The following ADAMTS3 variants were observed in gnomAD, a reference collection of about 807,000 sequenced individuals.
ADAMTS3 encodes ADAM metallopeptidase with thrombospondin type 1 motif 3.
ADAMTS3 carries 73 observed loss-of-function variants against 129.0 expected under a neutral mutation model. The observed-to-expected ratio is 0.57, with a 90% CI of 0.47 to 0.69. ADAMTS3 has a LOEUF of 0.69. ADAMTS3 is among the 30% of genes least tolerant of loss of function. The pLI, the probability that ADAMTS3 is intolerant of heterozygous loss-of-function variation, is 0.00. For synonymous variants in ADAMTS3, 477 were observed against 510.8 expected (o/e 0.93, Z 0.89); for missense variants, 1,457 against 1,514.5 (o/e 0.96, Z 0.63).
chr4:72,415,030 C>T, intron 3 of ADAMTS3, 59 bp from the exon 4 acceptor site: 1 of 1,196,094 alleles, frequency 8.4e-7, no homozygotes, highest in Non-Finnish European at 1.1e-6. Context: ...CTTCAGCTCA[C>T]AAGCACATCT....
rs1382540742 is a variant in ADAMTS3 at position 72,319,306 on chromosome 4, T to G, written c.1352+26A>C. 3 of 1,612,630 alleles carry G rather than the reference T, an allele frequency of 1.9e-6. No individual in the cohort carries two copies. In the Admixed American group the frequency reaches 5.0e-5, roughly 27 times the overall value. On this transcript the variant is annotated intron_variant, in intron 9 of 21. Transcript: ENST00000286657. ...GTCTGTAGGCTATAAAATAAATACT[T>G]TCATGACATGCAGCAGGGGACATAC...
intron 4 of ADAMTS3, among the ~76,000 whole-genome samples, chr4:72,405,961 G>C (rs1270579602): frequency 6.6e-6 from 1 of 152,144 alleles, no homozygotes; most frequent in South Asian, 2.1e-4. Flanking sequence ...GATTCTGGAA[G>C]AACACTTTAT....
chr4:72,501,219 A>G (rs528174274), intron 3 of ADAMTS3, among the ~76,000 whole-genome samples: 1 of 152,190 alleles, frequency 6.6e-6, no homozygotes, highest in Non-Finnish European at 1.5e-5. Flanking sequence ...GGCCATTTTA[A>G]CAATATTAAT....
chr4:72,378,219 A>G (rs1721183709), intron 4 of ADAMTS3, among the ~76,000 whole-genome samples: 1 of 152,182 alleles, frequency 6.6e-6, no homozygotes, highest in South Asian at 2.1e-4. Context: ...CTGCAACTAT[A>G]AAACACTAAG....
chr4:72,331,508 A>G (rs1560475654), intron 5 of ADAMTS3, among the ~76,000 whole-genome samples: 2 of 152,138 alleles, frequency 1.3e-5, no homozygotes, highest in Non-Finnish European at 2.9e-5. Context: ...ACTAATCTTA[A>G]AAACCCTTTA....
chr4:72,424,001 G>C (rs1433830194), intron 3 of ADAMTS3, among the ~76,000 whole-genome samples: 1 of 151,878 alleles, frequency 6.6e-6, no homozygotes, highest in Non-Finnish European at 1.5e-5. Flanking sequence ...ATATTTCTAT[G>C]GCATTTATCA....
intron 5 of ADAMTS3, among the ~76,000 whole-genome samples, chr4:72,328,860 A>C (rs899467257): frequency 6.6e-6 from 1 of 152,140 alleles, no homozygotes; most frequent in Non-Finnish European, 1.5e-5. Flanking sequence ...ACTGAAATGG[A>C]CTGAGAAAAG....
At chr4:72,565,111 C>T (rs553165977) in intron 2 of ADAMTS3, among the ~76,000 whole-genome samples, 87 of 152,286 alleles carry the variant, frequency 5.7e-4, no homozygotes, top group African/African-American at 2.0e-3. Flanking sequence ...TACATCTATA[C>T]TACACTTCAG....
At chr4:72,443,900 T>C (rs1005582268) in intron 3 of ADAMTS3, among the ~76,000 whole-genome samples, 2 of 151,804 alleles carry the variant, frequency 1.3e-5, no homozygotes, top group East Asian at 2.0e-4. Flanking sequence ...ATGGGTTGGG[T>C]TGCAGAATGG....
At position 72,496,201 on chromosome 4, in the gene ADAMTS3, C is replaced by G. The variant is rs1396442293; in HGVS notation, c.504+52277G>C. Among the ~76,000 whole-genome samples, 4 of 152,286 alleles carry G rather than the reference C, an allele frequency of 2.6e-5. No homozygotes were observed. In the East Asian group the frequency reaches 7.7e-4, roughly 29 times the overall value. The stretch of plus-strand genomic sequence containing the variant: ...AGTTGGCAAAATAAGCAGATAAAAT[C>G]TGGAATGATTAACACGTCATCACAG... On this transcript the variant is annotated intron_variant, in intron 3 of 21. Coordinates refer to ENST00000286657, the MANE Select transcript of ADAMTS3 (RefSeq NM_014243.3).
At chr4:72,366,584 T>A (rs939941066) in intron 4 of ADAMTS3, among the ~76,000 whole-genome samples, 2 of 152,076 alleles carry the variant, frequency 1.3e-5, no homozygotes, top group African/African-American at 4.8e-5. Flanking sequence ...TTTAGAAAAA[T>A]TATTATATGC....
intron 5 of ADAMTS3, among the ~76,000 whole-genome samples, chr4:72,326,235 A>G (rs1202419573): frequency 6.6e-6 from 1 of 152,138 alleles, no homozygotes; most frequent in Non-Finnish European, 1.5e-5. Flanking sequence ...AGCACAAAGT[A>G]TTATTTCAAT....
chr4:72,425,144 C>T (rs565967764), intron 3 of ADAMTS3, among the ~76,000 whole-genome samples: 1 of 152,028 alleles, frequency 6.6e-6, no homozygotes, highest in African/African-American at 2.4e-5. Flanking sequence ...TGGCATTATC[C>T]AATATTTCAC....
chr4:72,387,045 T>G (rs1262441037), intron 4 of ADAMTS3, among the ~76,000 whole-genome samples: 2 of 152,238 alleles, frequency 1.3e-5, no homozygotes, highest in Non-Finnish European at 2.9e-5. Flanking sequence ...CTGTTGGCTG[T>G]TAAAGGAGTT....
intron 3 of ADAMTS3, among the ~76,000 whole-genome samples, chr4:72,491,604 G>C (rs1578730232): frequency 6.6e-6 from 1 of 151,782 alleles, no homozygotes; most frequent in East Asian, 1.9e-4. Context: ...ACCCATCCTT[G>C]CATAATAGAA....
At chr4:72,404,857 CACAA>C (rs1175837894) in intron 4 of ADAMTS3, among the ~76,000 whole-genome samples, 1 of 119,094 alleles carries the variant, frequency 8.4e-6, no homozygotes. Flanking sequence ...CACACACACA[CACAA>C]AACACACAAA....
At chr4:72,315,290 T>G (rs1313742185) in intron 11 of ADAMTS3, among the ~76,000 whole-genome samples, 1 of 152,218 alleles carries the variant, frequency 6.6e-6, no homozygotes, top group Non-Finnish European at 1.5e-5. Flanking sequence ...AAATGTTACC[T>G]TATTTGGAAA....
At chr4:72,398,761 T>G (rs1176507429) in intron 4 of ADAMTS3, among the ~76,000 whole-genome samples, 4 of 152,142 alleles carry the variant, frequency 2.6e-5, no homozygotes, top group Admixed American at 2.0e-4. Flanking sequence ...AGTGACTAAG[T>G]AAGCAAGTTC....
chr4:72,481,026 C>T (rs1719420673), intron 3 of ADAMTS3, among the ~76,000 whole-genome samples: 1 of 152,014 alleles, frequency 6.6e-6, no homozygotes, highest in Admixed American at 6.6e-5. Flanking sequence ...TATGCTGAAA[C>T]TTACACAATA....
Sources: allele counts gnomAD v4.1 joint callset (sites outside exome capture counted in the v4.1 genomes callset), GRCh38; gene constraint gnomAD v4.1.1; transcripts MANE v1.5; gene names NCBI Gene and HGNC (gene_info 2026-07-23, HGNC 2026-07-21).